Variants in DAOA observed in about 807,000 individuals in gnomAD.
The protein encoded by DAOA is D-amino acid oxidase activator.
DAOA carries 15 observed loss-of-function variants against 16.4 expected under a neutral mutation model. That is an observed-to-expected ratio of 0.91 (90% confidence interval 0.61 to 1.41). DAOA has a LOEUF of 1.41. Among genes scored for constraint, DAOA ranks in the 40% most tolerant of loss-of-function variants. DAOA has a pLI of 0.00. For missense variants in DAOA, 230 were observed against 176.8 expected, an observed-to-expected ratio of 1.30 and a Z score of -1.71; for synonymous variants, 75 against 59.1, an observed-to-expected ratio of 1.27 and a Z score of -1.23.
chr13:105,474,500 T>A (rs1026511944), intron 4 of DAOA, among the ~76,000 whole-genome samples: 1 of 152,116 alleles, frequency 6.6e-6, no homozygotes, highest in Non-Finnish European at 1.5e-5. Flanking sequence ...TAAATGACAA[T>A]GTTCTATCAA....
Position 105,472,629 on chromosome 13 carries a change from G to A in DAOA, c.225G>A (p.Arg75=). The change falls in exon 4 of 6, where the codon AGG becomes AGA. Residue 75 remains arginine, a synonymous_variant. Transcript: ENST00000375936. ...HEDGYLEMAQ[R]HLQRSLCPWV... ...ACGGCTATTTGGAAATGGCACAGAG[G>A]CATTTACAGAGATCATTATGTCCTT... 2 of 1,614,012 alleles carry A rather than the reference G, an allele frequency of 1.2e-6. No individual in the cohort carries two copies. Among genetic ancestry groups the A allele is most frequent in the Non-Finnish European group, 8.5e-7 (1 of 1,179,920 alleles).
At chr13:105,479,454 G>T (rs1009809145) in intron 4 of DAOA, among the ~76,000 whole-genome samples, 1 of 152,166 alleles carries the variant, frequency 6.6e-6, no homozygotes, top group Non-Finnish European at 1.5e-5. Context: ...TAGTTCTGGA[G>T]GGTAGAAGTC....
At chr13:105,469,958 T>C (rs1304898607) in intron 3 of DAOA, among the ~76,000 whole-genome samples, 1 of 152,144 alleles carries the variant, frequency 6.6e-6, no homozygotes, top group Non-Finnish European at 1.5e-5. Context: ...CTATTTTTAG[T>C]TTTTTATTTC....
intron 3 of DAOA, among the ~76,000 whole-genome samples, chr13:105,470,785 CTTTTCTT>C (rs527610896): frequency 2.2e-4 from 29 of 130,178 alleles, no homozygotes; most frequent in African/African-American, 4.2e-4. Context: ...AATTTGTTTT[CTTTTCTT>C]TTTTCTTTTT....
chr13:105,486,134 A>C (rs974004389), intron 4 of DAOA, among the ~76,000 whole-genome samples: 1 of 152,202 alleles, frequency 6.6e-6, no homozygotes, highest in African/African-American at 2.4e-5. Flanking sequence ...GCCCTTCTTC[A>C]AACTTTTAGT....
chr13:105,490,114 C>G lies in DAOA; in HGVS notation c.*33C>G. The G allele has an allele frequency of 6.5e-7, 1 of 1,534,936 alleles. No homozygotes were observed. Among genetic ancestry groups the G allele is most frequent in the Non-Finnish European group, 8.8e-7 (1 of 1,137,044 alleles). On this transcript the variant is annotated 3_prime_UTR_variant, in exon 5 of 6. Coordinates refer to ENST00000375936, the MANE Select transcript of DAOA (RefSeq NM_172370.5). ...AGCAGATTCTTCCCAGCCAATCCTT[C>G]TGATGACAATGTAGTCTGGCCAACA... is the stretch of plus-strand genomic sequence containing the variant.
At chr13:105,473,441 A>G (rs1877128325) in intron 4 of DAOA, among the ~76,000 whole-genome samples, 1 of 152,132 alleles carries the variant, frequency 6.6e-6, no homozygotes, top group South Asian at 2.1e-4. Flanking sequence ...AGAATAGTAT[A>G]AACATTAAGT....
rs1489509564 is a variant in DAOA at position 105,472,415 on chromosome 13, C to T, written c.134-123C>T. On this transcript the variant is annotated intron_variant, in intron 3 of 5. Coordinates refer to ENST00000375936, the MANE Select transcript of DAOA (RefSeq NM_172370.5). ...AGGGAATTTTGTCTTAACCAAAAAC[C>T]TCTGAAAAATTAAGTAAAATGGACA... 35 of 1,353,482 alleles carry T rather than the reference C, an allele frequency of 2.6e-5. No individual in the cohort carries two copies. The East Asian group carries it at 9.1e-4, about 35-fold the overall frequency. 83.8% of individuals were successfully genotyped at this position (1,353,482 alleles called of 1,614,324 possible).
At position 105,484,971 on chromosome 13, in the gene DAOA, A is replaced by T. The variant is rs184960166; in HGVS notation, c.282-4930A>T. ...CCTGATGTTTTTTGTCTCTAAAACCATCGTTTCAAATGTCCTGTCTGTTTC... is the reference window on the plus strand; with the variant it reads ...CCTGATGTTTTTTGTCTCTAAAACCTTCGTTTCAAATGTCCTGTCTGTTTC... On this transcript the variant is annotated intron_variant, in intron 4 of 5. Transcript: ENST00000375936. 6.6e-4 allele frequency among the ~76,000 whole-genome samples: 101 copies of T among 152,290 alleles called. 1 individual carries two copies. The highest frequency in any genetic ancestry group is 6.8e-3 in the Middle Eastern group (2 of 294).
intron 4 of DAOA, among the ~76,000 whole-genome samples, chr13:105,488,182 G>A (rs1394076819): frequency 6.6e-6 from 1 of 152,126 alleles, no homozygotes; most frequent in African/African-American, 2.4e-5. Context: ...TCATTTGTCT[G>A]TCCTCCAACC....
intron 4 of DAOA, among the ~76,000 whole-genome samples, chr13:105,485,304 A>G (rs1052921211): frequency 1.3e-5 from 2 of 152,180 alleles, no homozygotes; most frequent in Non-Finnish European, 2.9e-5. Context: ...GGCATGTCAA[A>G]AAAATGAACC....
intron 2 of DAOA, chr13:105,466,554 A>G (rs1876529759): frequency 1.5e-6 from 1 of 659,730 alleles, no homozygotes; most frequent in Non-Finnish European, 2.4e-6. Context: ...AGGAGGAGAC[A>G]TAGGCCCTCA....
intron 3 of DAOA, among the ~76,000 whole-genome samples, chr13:105,471,005 G>A (rs61100125): frequency 0.037 from 5,664 of 152,174 alleles, 136 homozygotes; most frequent in South Asian, 0.063. Flanking sequence ...AGCCATGATG[G>A]TCTTGATCTC....
intron 4 of DAOA, among the ~76,000 whole-genome samples, chr13:105,482,596 G>C (rs747281988): frequency 3.4e-5 from 5 of 148,876 alleles, no homozygotes; most frequent in Middle Eastern, 3.4e-3. Flanking sequence ...TGCAACCTCC[G>C]CCTCCCAGGT....
chr13:105,483,448 A>G (rs1877887913), intron 4 of DAOA, among the ~76,000 whole-genome samples: 2 of 152,160 alleles, frequency 1.3e-5, no homozygotes, highest in Non-Finnish European at 2.9e-5. Context: ...TTTCAAAGTA[A>G]TTTAACCATT....
intron 4 of DAOA, among the ~76,000 whole-genome samples, chr13:105,481,131 T>G (rs569959405): frequency 6.6e-6 from 1 of 152,354 alleles, no homozygotes; most frequent in South Asian, 2.1e-4. Flanking sequence ...CTTCTTAGTA[T>G]TGAACTCCTT....
intron 3 of DAOA, among the ~76,000 whole-genome samples, chr13:105,470,040 C>T (rs2139168575): frequency 6.6e-6 from 1 of 151,108 alleles, no homozygotes; most frequent in East Asian, 1.9e-4. Context: ...TCTTCCTAAC[C>T]AAAATTTGAT....
chr13:105,476,258 C>T (rs564880820), intron 4 of DAOA, among the ~76,000 whole-genome samples: 82 of 152,180 alleles, frequency 5.4e-4, no homozygotes, highest in African/African-American at 2.0e-3. Context: ...TGGGAACATC[C>T]AGGCACTGGA....
At chr13:105,488,019 GCA>G (rs1429415949) in intron 4 of DAOA, among the ~76,000 whole-genome samples, 87 of 152,254 alleles carry the variant, frequency 5.7e-4, no homozygotes, top group Middle Eastern at 6.8e-3. Context: ...GGGGAAAAAG[GCA>G]GAACTAATGG....
Sources: gnomAD v4.1 joint callset for allele counts (sites outside exome capture counted in the v4.1 genomes callset) on GRCh38, gnomAD v4.1.1 for gene constraint, MANE v1.5 for transcripts, NCBI Gene and HGNC (gene_info 2026-07-23, HGNC 2026-07-21) for gene names.